Variants in SPAG16 observed in about 807,000 individuals in gnomAD.
The protein encoded by SPAG16 is sperm-associated antigen 16 protein.
SPAG16 carries 86 observed loss-of-function variants against 80.4 expected under a neutral mutation model. The observed-to-expected ratio is 1.07, with a 90% CI of 0.90 to 1.28. The LOEUF is 1.28. Ranked by LOEUF, SPAG16 falls within the 50% of genes most tolerant of loss-of-function variation. The pLI is 0.00. For missense variants in SPAG16, 870 were observed against 765.3 expected, an observed-to-expected ratio of 1.14 and a Z score of -1.61; for synonymous variants, 294 against 265.9, an observed-to-expected ratio of 1.11 and a Z score of -1.03.
chr2:213,942,964 A>G (rs527961626), intron 12 of SPAG16, among the ~76,000 whole-genome samples: 2 of 152,274 alleles, frequency 1.3e-5, no homozygotes, highest in Admixed American at 6.5e-5. Flanking sequence ...GTGCCCTTAT[A>G]TAGGAAGGGA....
intron 10 of SPAG16, among the ~76,000 whole-genome samples, chr2:213,496,480 C>G (rs1413163601): frequency 2.0e-5 from 3 of 152,044 alleles, no homozygotes; most frequent in African/African-American, 4.8e-5. Flanking sequence ...GAACAAAGTT[C>G]ATAACTGTGT....
intron 10 of SPAG16, among the ~76,000 whole-genome samples, chr2:213,531,359 A>AGTGTGTGTGTGT (rs56011234): frequency 0.017 from 2,345 of 142,052 alleles, 27 homozygotes; most frequent in African/African-American, 0.02. Flanking sequence ...AAAAGATGTG[A>AGTGTGTGTGTGT]GTGTGTGTGT....
At chr2:213,727,180 T>C (rs76488884) in intron 10 of SPAG16, among the ~76,000 whole-genome samples, 6,281 of 152,230 alleles carry the variant, frequency 0.041, 360 homozygotes, top group African/African-American at 0.13. Context: ...ACAGGAATAT[T>C]GGTTTTCTAG....
At chr2:213,546,670 T>A (rs1475617688) in intron 10 of SPAG16, among the ~76,000 whole-genome samples, 1 of 152,128 alleles carries the variant, frequency 6.6e-6, no homozygotes, top group East Asian at 1.9e-4. Flanking sequence ...AGTGGATGTA[T>A]ATTTTAAAGA....
chr2:213,984,404 C>T (rs1389922422), intron 12 of SPAG16, among the ~76,000 whole-genome samples: 1 of 152,094 alleles, frequency 6.6e-6, no homozygotes, highest in African/African-American at 2.4e-5. Context: ...ATATCAGAGC[C>T]TTCTCTGTGC....
At chr2:214,030,789 C>T (rs905780297) in intron 13 of SPAG16, among the ~76,000 whole-genome samples, 2 of 152,196 alleles carry the variant, frequency 1.3e-5, no homozygotes, top group Admixed American at 1.3e-4. Flanking sequence ...TTCCTGGGTC[C>T]CTTATCTACT....
At chr2:214,012,742 G>GGAGT (rs1374947134) in intron 12 of SPAG16, among the ~76,000 whole-genome samples, 2 of 152,148 alleles carry the variant, frequency 1.3e-5, no homozygotes, top group African/African-American at 2.4e-5. Flanking sequence ...TTACACATGA[G>GGAGT]GAGTGGTATT....
intron 11 of SPAG16, among the ~76,000 whole-genome samples, chr2:213,886,999 G>C (rs1326676813): frequency 6.6e-6 from 1 of 151,928 alleles, no homozygotes; most frequent in Non-Finnish European, 1.5e-5. Flanking sequence ...TGTTATAAAA[G>C]TGAAATATAA....
At chr2:213,623,935 CATG>C (rs1289404629) in intron 10 of SPAG16, among the ~76,000 whole-genome samples, 1 of 151,878 alleles carries the variant, frequency 6.6e-6, no homozygotes, top group East Asian at 1.9e-4. Flanking sequence ...CTAATTCCAT[CATG>C]ATACATATTT....
intron 10 of SPAG16, among the ~76,000 whole-genome samples, chr2:213,808,214 C>T (rs2071891479): frequency 6.6e-6 from 1 of 152,026 alleles, no homozygotes; most frequent in Non-Finnish European, 1.5e-5. Context: ...TGCAGGTAAA[C>T]AAGAACATTT....
intron 15 of SPAG16, among the ~76,000 whole-genome samples, chr2:214,256,658 A>G (rs564626109): frequency 1.2e-4 from 18 of 152,144 alleles, no homozygotes; most frequent in Admixed American, 1.0e-3. Flanking sequence ...CAACAACAAC[A>G]AGAACAACAA....
chr2:214,218,221 GA>G (rs980304132), intron 15 of SPAG16, among the ~76,000 whole-genome samples: 9 of 152,206 alleles, frequency 5.9e-5, no homozygotes, highest in South Asian at 2.1e-4. Context: ...TGAAGCATAG[GA>G]AAAAAATCTG....
chr2:213,412,913 T>G (rs1462757182), intron 9 of SPAG16, among the ~76,000 whole-genome samples: 1 of 152,162 alleles, frequency 6.6e-6, no homozygotes, highest in African/African-American at 2.4e-5. Flanking sequence ...GGTTAGAAAA[T>G]TAATTTAAAA....
chr2:213,896,924 G>A (rs2077017497), intron 11 of SPAG16, among the ~76,000 whole-genome samples: 2 of 151,994 alleles, frequency 1.3e-5, no homozygotes, highest in Non-Finnish European at 2.9e-5. Context: ...GAAGGGGAGG[G>A]GTAAAGGGAG....
At chr2:214,094,166 G>A (rs2052421716) in intron 13 of SPAG16, among the ~76,000 whole-genome samples, 1 of 151,944 alleles carries the variant, frequency 6.6e-6, no homozygotes, top group Non-Finnish European at 1.5e-5. Context: ...GTCCACGGAG[G>A]GAATATTTAT....
intron 9 of SPAG16, among the ~76,000 whole-genome samples, chr2:213,406,800 G>C (rs559681030): frequency 6.6e-6 from 1 of 152,160 alleles, no homozygotes; most frequent in Non-Finnish European, 1.5e-5. Context: ...TCTCTCCCGG[G>C]ATTACATTCT....
At chr2:213,862,649 G>C in intron 11 of SPAG16, 21 bp downstream of exon 11, 4 of 1,613,148 alleles carry the variant, frequency 2.5e-6, no homozygotes, top group Non-Finnish European at 3.4e-6. Flanking sequence ...AGGACCCCTA[G>C]AAATAGCCTA....
chr2:213,777,879 T>C (rs2069701602), intron 10 of SPAG16, among the ~76,000 whole-genome samples: 1 of 152,160 alleles, frequency 6.6e-6, no homozygotes, highest in African/African-American at 2.4e-5. Flanking sequence ...CCTAATTCAA[T>C]TGCACTCCAA....
chr2:213,337,410 A>G (rs1408109292), intron 5 of SPAG16, among the ~76,000 whole-genome samples: 1 of 152,212 alleles, frequency 6.6e-6, no homozygotes, highest in Admixed American at 6.5e-5. Context: ...GAAGATGGGT[A>G]ATAATGAACT....
Sources: allele counts gnomAD v4.1 joint callset (sites outside exome capture counted in the v4.1 genomes callset), GRCh38; gene constraint gnomAD v4.1.1; transcripts MANE v1.5; gene names NCBI Gene and HGNC (gene_info 2026-07-23, HGNC 2026-07-21).